Variants in TEAD4 observed in about 807,000 individuals in gnomAD.
TEAD4 encodes TEA domain transcription factor 4, also known as transcriptional enhancer factor TEF-3.
Under a neutral mutation model 52.4 loss-of-function variants are expected in TEAD4, and 36 were observed. The ratio of observed to expected loss-of-function variants is 0.69; its 90% CI spans 0.53 to 0.91. The LOEUF (loss-of-function observed/expected upper bound fraction) is 0.91. Ranked by LOEUF, TEAD4 falls within the 40% of genes least tolerant of loss-of-function variation. The pLI, the probability that TEAD4 is intolerant of heterozygous loss-of-function variation, is 0.00. For synonymous variants in TEAD4, 220 were observed against 231.0 expected, an observed-to-expected ratio of 0.95 and a Z score of 0.43; for missense variants, 508 against 583.9, an observed-to-expected ratio of 0.87 and a Z score of 1.34.
chr12:2,979,849 C>G (rs572859880), intron 2 of TEAD4, among the ~76,000 whole-genome samples: 1 of 152,126 alleles, frequency 6.6e-6, no homozygotes, highest in Admixed American at 6.6e-5. Context: ...ACCAGAGCAG[C>G]GCCCAATGCC....
intron 5 of TEAD4, among the ~76,000 whole-genome samples, chr12:3,014,559 T>C (rs2098262839): frequency 6.6e-6 from 1 of 152,236 alleles, no homozygotes; most frequent in Non-Finnish European, 1.5e-5. Context: ...TAGAAATCCC[T>C]GAGTGAGAGG....
chr12:2,971,657 A>G (rs1215783698), intron 2 of TEAD4, among the ~76,000 whole-genome samples: 3 of 150,042 alleles, frequency 2.0e-5, no homozygotes, highest in Non-Finnish European at 4.4e-5. Flanking sequence ...TTGTATTTTT[A>G]GTAGAGACGG....
intron 5 of TEAD4, among the ~76,000 whole-genome samples, chr12:3,014,697 C>T (rs533871629): frequency 6.6e-6 from 1 of 152,202 alleles, no homozygotes; most frequent in South Asian, 2.1e-4. Flanking sequence ...AGTTCCCCTC[C>T]CGGCCCCGGT....
rs761296833 is a variant in TEAD4, at chr12:2,994,781, C to A, written c.15C>A (p.Ala5=). 5 of 1,611,640 alleles carry A rather than the reference C, an allele frequency of 3.1e-6. No individual in the cohort carries two copies. The African/African-American group carries it at 6.7e-5, about 22-fold the overall frequency. ...CAAGCGGAGCCTTGGAGGGCACGGCCGGCACCATTACCTCCAACGAGTGGA... is the reference window on the plus strand; with the variant it reads ...CAAGCGGAGCCTTGGAGGGCACGGCAGGCACCATTACCTCCAACGAGTGGA... Residue 5 remains alanine (A), a synonymous_variant, in exon 3 of 13, where the codon GCC becomes GCA. Coordinates refer to ENST00000359864, the MANE Select transcript of TEAD4 (RefSeq NM_003213.4). This position sits in a 1 kb window ranked among gnomAD's most constrained non-coding sequence, Gnocchi z 4.7.
chr12:2,992,988 G>A (rs185373985), intron 2 of TEAD4, among the ~76,000 whole-genome samples: 131 of 152,310 alleles, frequency 8.6e-4, no homozygotes, highest in East Asian at 6.2e-3. Flanking sequence ...CAATCCTGCC[G>A]TTGCTCCAGT....
At chr12:2,963,529 C>T (rs570395594) in intron 2 of TEAD4, among the ~76,000 whole-genome samples, 2 of 152,326 alleles carry the variant, frequency 1.3e-5, no homozygotes, top group East Asian at 3.9e-4. Flanking sequence ...AGGGGGCTGT[C>T]AGCAGCCAGG....
rs972673576 is a variant in TEAD4, at chr12:2,959,851, G to A, written c.-122-97G>A. On this transcript the variant is annotated intron_variant, in intron 1 of 12. Coordinates refer to ENST00000359864, the MANE Select transcript of TEAD4 (RefSeq NM_003213.4). The surrounding 1 kb of genome is among the most constrained non-coding windows in gnomAD (Gnocchi z 5.1). ...TGGGCGCACCGGGGCCGGTCGGCGCGGGGTGGGCTTGGCCCCGCGGCCCCG... is the reference window on the plus strand; with the variant it reads ...TGGGCGCACCGGGGCCGGTCGGCGCAGGGTGGGCTTGGCCCCGCGGCCCCG... 2.6e-5 allele frequency: 4 copies of A among 151,588 alleles called. No individual in the cohort carries two copies. Among genetic ancestry groups the A allele is most frequent in the African/African-American group, 7.3e-5 (3 of 41,360 alleles). The allele number at this position is 151,588 out of a possible 1,614,324, so 9.4% of individuals were successfully genotyped here.
At chr12:3,025,946 T>TC (rs397715135) in intron 10 of TEAD4, among the ~76,000 whole-genome samples, 32 of 151,936 alleles carry the variant, frequency 2.1e-4, no homozygotes, top group South Asian at 8.3e-4. Context: ...CTTTTTTTTT[T>TC]CCTCTGGAAG....
At chr12:3,025,791 C>T (rs534536715) in intron 10 of TEAD4, among the ~76,000 whole-genome samples, 10 of 152,110 alleles carry the variant, frequency 6.6e-5, no homozygotes, top group Admixed American at 4.6e-4. Context: ...CCTGCCTCGG[C>T]CTTCCAAATT....
At chr12:3,035,771 G>A (rs1000981906) in intron 10 of TEAD4, among the ~76,000 whole-genome samples, 2 of 140,502 alleles carry the variant, frequency 1.4e-5, no homozygotes, top group Non-Finnish European at 3.0e-5. Flanking sequence ...AGTGAGCCGT[G>A]ATCATACCAC....
rs928301543 is a variant in TEAD4, at chr12:3,012,114, C to G, written c.292-56C>G. The G allele has an allele frequency of 2.5e-6, 4 of 1,589,598 alleles. No homozygotes were observed. In the African/African-American group the frequency reaches 4.0e-5, roughly 16 times the overall value. ...GGAGGGCGAGAGTCAGGAAGCCAGG[C>G]TGGGGAACACAGGTTGTTGGGAGGT... On this transcript the variant is annotated intron_variant, in intron 4 of 12. Transcript: ENST00000359864.
At chr12:2,970,975 G>C (rs1255413063) in intron 2 of TEAD4, among the ~76,000 whole-genome samples, 1 of 152,208 alleles carries the variant, frequency 6.6e-6, no homozygotes, top group Non-Finnish European at 1.5e-5. Flanking sequence ...CCTCCTCAGG[G>C]CACTGCCAGC....
At position 3,023,199 on chromosome 12, in the gene TEAD4, G is replaced by T. The variant is rs561539748; in HGVS notation, c.897+1182G>T. Among the ~76,000 whole-genome samples, 3 of 152,254 alleles carry T rather than the reference G, an allele frequency of 2.0e-5. No individual in the cohort carries two copies. In the South Asian group the frequency reaches 6.2e-4, roughly 32 times the overall value. ...AAGTTGGACCCTGGCCTGAGGGATG[G>T]GCACATCTATTGGCAGAGATGGGAA... On this transcript the variant is annotated intron_variant, in intron 10 of 12. Transcript: ENST00000359864.
chr12:2,999,635 C>T (rs1241110478), intron 3 of TEAD4, among the ~76,000 whole-genome samples: 1 of 152,238 alleles, frequency 6.6e-6, no homozygotes, highest in Admixed American at 6.5e-5. Context: ...CTTGCCTTCT[C>T]CTGCTCACGG....
At chr12:3,009,843 C>G (rs930819379) in intron 3 of TEAD4, among the ~76,000 whole-genome samples, 1 of 152,238 alleles carries the variant, frequency 6.6e-6, no homozygotes, top group African/African-American at 2.4e-5. Context: ...GACAGTACCT[C>G]TGGAGAGTAG....
At chr12:3,010,829 G>A (rs140234810) in intron 3 of TEAD4, among the ~76,000 whole-genome samples, 175 bp from the exon 4 acceptor site, 2,484 of 152,318 alleles carry the variant, frequency 0.016, 85 homozygotes, top group Admixed American at 0.073. Context: ...TCCTCTCGCT[G>A]CTGGGAGATC....
chr12:3,012,602 C>A (rs2153956735), intron 5 of TEAD4, among the ~76,000 whole-genome samples: 1 of 152,084 alleles, frequency 6.6e-6, no homozygotes, highest in South Asian at 2.1e-4. Flanking sequence ...GGGGTGCCTG[C>A]TGTGGGGGTG....
rs573523225 is a variant in TEAD4 at position 3,038,228 on chromosome 12, C to A, written c.1038+120C>A. ...AGGGAGCCAGGATAATCCCTTGTTG[C>A]CTTCCCTGTCTGCTGTCAGTGCTGT... On this transcript the variant is annotated intron_variant, in intron 11 of 12. Coordinates refer to ENST00000359864, the MANE Select transcript of TEAD4 (RefSeq NM_003213.4). The A allele has an allele frequency of 1.8e-5, 24 of 1,318,230 alleles. No individual in the cohort carries two copies. In the African/African-American group the frequency reaches 2.8e-4, roughly 15 times the overall value. 81.7% of individuals were successfully genotyped at this position (1,318,230 alleles called of 1,614,324 possible).
At chr12:2,979,437 A>G (rs900185131) in intron 2 of TEAD4, among the ~76,000 whole-genome samples, 5 of 152,218 alleles carry the variant, frequency 3.3e-5, no homozygotes, top group East Asian at 1.9e-4. Context: ...ACAGCACTAA[A>G]TAGACCCAGA....
Sources: gnomAD v4.1 joint callset for allele counts (sites outside exome capture counted in the v4.1 genomes callset) on GRCh38, gnomAD v4.1.1 for gene constraint, Gnocchi (gnomAD v3.1) non-coding constraint, MANE v1.5 for transcripts, NCBI Gene and HGNC (gene_info 2026-07-23, HGNC 2026-07-21) for gene names.